Variants in C6 observed in about 807,000 individuals in gnomAD.
C6 encodes complement C6.
Under a neutral mutation model 112.9 loss-of-function variants are expected in C6, and 101 were observed. The observed-to-expected ratio is 0.89, with a 90% CI of 0.76 to 1.06. The LOEUF is 1.06. C6 is among the 50% of genes least tolerant of loss of function. C6 has a pLI of 0.00. For missense variants in C6, 1,202 were observed against 1,104.6 expected (o/e 1.09, Z -1.25); for synonymous variants, 431 against 384.1 (o/e 1.12, Z -1.43).
At chr5:41,206,218 C>A (rs766870296) in intron 1 of C6, among the ~76,000 whole-genome samples, 2 of 152,178 alleles carry the variant, frequency 1.3e-5, no homozygotes, top group African/African-American at 4.8e-5. Context: ...CCCATCTGTA[C>A]GTCACCATCA....
At position 41,199,892 on chromosome 5, in the gene C6, C is replaced by G. The variant is rs139715236; in HGVS notation, c.321G>C (p.Leu107Phe). 8.7e-6 allele frequency: 14 copies of G among 1,613,444 alleles called. No homozygotes were observed. The African/African-American group carries it at 1.6e-4, about 18-fold the overall frequency. ...GCTGTCCCCCAAACTGACTGGGACG[C>G]AAGACAGATCTAACTTTAGACTGAA... is the stretch of plus-strand genomic sequence containing the variant. ...IEKQSKVRSV[L>F]RPSQFGGQPC... Residue 107 changes from leucine to phenylalanine, a missense_variant, in exon 4 of 18, where the codon TTG (leucine) becomes TTC (phenylalanine). Coordinates refer to ENST00000337836, the MANE Select transcript of C6 (RefSeq NM_000065.5).
chr5:41,155,859 G>T (rs1746851837), intron 13 of C6, among the ~76,000 whole-genome samples: 1 of 152,036 alleles, frequency 6.6e-6, no homozygotes, highest in South Asian at 2.1e-4. Context: ...ACCATGTAGT[G>T]ACTATAAACT....
At chr5:41,164,266 A>G (rs1161006133) in intron 9 of C6, among the ~76,000 whole-genome samples, 2 of 152,182 alleles carry the variant, frequency 1.3e-5, no homozygotes, top group African/African-American at 4.8e-5. Context: ...CATCTTTGGC[A>G]ATTAAGGAGG....
chr5:41,219,053 C>T (rs182757009), intron 1 of C6, among the ~76,000 whole-genome samples: 99 of 152,274 alleles, frequency 6.5e-4, no homozygotes, highest in Admixed American at 1.8e-3. Flanking sequence ...AAAAGATACT[C>T]CAACAATTTC....
chr5:41,203,898 T>G (rs1181913375), intron 1 of C6, among the ~76,000 whole-genome samples: 1 of 152,142 alleles, frequency 6.6e-6, no homozygotes, highest in Non-Finnish European at 1.5e-5. Flanking sequence ...TTGAATGAGG[T>G]GAAGCCCTTC....
At chr5:41,260,239 G>A (rs1341283457) in intron 1 of C6, among the ~76,000 whole-genome samples, 3 of 151,836 alleles carry the variant, frequency 2.0e-5, no homozygotes, top group Non-Finnish European at 4.4e-5. Context: ...GGCAAATGAA[G>A]TGGTAACTTG....
intron 1 of C6, among the ~76,000 whole-genome samples, chr5:41,248,702 G>A (rs1741165918): frequency 1.3e-5 from 2 of 152,208 alleles, no homozygotes; most frequent in African/African-American, 4.8e-5. Flanking sequence ...TGGGGAAAAT[G>A]GATGCTTATA....
chr5:41,228,559 T>C (rs1238958783), intron 1 of C6, among the ~76,000 whole-genome samples: 1 of 152,204 alleles, frequency 6.6e-6, no homozygotes, highest in Non-Finnish European at 1.5e-5. Context: ...CTTTCAATCT[T>C]TCACTGTTGA....
In C6 at chr5:41,242,440, A is replaced by C. The variant is rs182406005; in HGVS notation, c.-21+18754T>G. ...AGCAATGTGGAACTGTGAGTCAATT[A>C]AACCTCTTTCCTTTATAAATTACCC... On this transcript the variant is annotated intron_variant, in intron 1 of 17. Coordinates refer to the C6 transcript ENST00000263413. 1.5e-3 allele frequency among the ~76,000 whole-genome samples: 226 copies of C among 152,292 alleles called. 1 individual carries two copies. Among genetic ancestry groups the C allele is most frequent in the Middle Eastern group, 6.8e-3 (2 of 294 alleles).
intron 1 of C6, among the ~76,000 whole-genome samples, chr5:41,207,695 G>A (rs140004087): frequency 2.0e-5 from 3 of 152,174 alleles, no homozygotes; most frequent in African/African-American, 2.4e-5. Flanking sequence ...AAATATATAC[G>A]CACCCAATAT....
At chr5:41,185,541 A>G (rs1201409566) in intron 6 of C6, among the ~76,000 whole-genome samples, 4 of 152,226 alleles carry the variant, frequency 2.6e-5, no homozygotes, top group Admixed American at 2.6e-4. Flanking sequence ...AGTAGGTAGT[A>G]TGCTGCTCAT....
intron 1 of C6, among the ~76,000 whole-genome samples, chr5:41,232,881 A>G (rs1243387955): frequency 6.6e-6 from 1 of 151,846 alleles, no homozygotes; most frequent in East Asian, 1.9e-4. Context: ...ATCTCTCATT[A>G]CATTATTAGT....
chr5:41,176,511 G>A lies in C6; in HGVS notation c.1132C>T (p.Leu378Phe). ...SGSLGGVYDL[L>F]YQFSSEELKN... ...AGTTCCTCACTGCTAAACTGATAGA[G>A]AAGGTCATACACGCCTCCCAGGGAG... is the stretch of plus-strand genomic sequence containing the variant. The change falls in exon 8 of 18, where the codon CTC (leucine) becomes TTC (phenylalanine). Residue 378 changes from leucine (L) to phenylalanine (F), a missense_variant. Transcript: ENST00000337836. The A allele has an allele frequency of 6.2e-7, 1 of 1,613,804 alleles. No individual in the cohort carries two copies. Among genetic ancestry groups the A allele is most frequent in the South Asian group, 1.1e-5 (1 of 91,076 alleles).
chr5:41,195,603 T>A (rs937977782), intron 5 of C6, among the ~76,000 whole-genome samples, 189 bp downstream of exon 5: 8 of 152,204 alleles, frequency 5.3e-5, no homozygotes, highest in Non-Finnish European at 7.3e-5. Context: ...AAATGCTAAC[T>A]TTTACTTCTC....
intron 9 of C6, among the ~76,000 whole-genome samples, chr5:41,168,084 A>C (rs1748128288): frequency 6.6e-6 from 1 of 152,208 alleles, no homozygotes; most frequent in Admixed American, 6.6e-5. Context: ...GAAAAATTAA[A>C]GATGAGCAAA....
intron 1 of C6, among the ~76,000 whole-genome samples, chr5:41,222,074 A>G (rs2962290): frequency 0.7 from 106,118 of 151,092 alleles, 37,407 homozygotes; most frequent in African/African-American, 0.73. Context: ...GCTGAGGCAG[A>G]AGAATTGCTT....
At chr5:41,215,570 G>A (rs1024193880), upstream of C6, among the ~76,000 whole-genome samples, 1 of 152,120 alleles carries the variant, frequency 6.6e-6, no homozygotes, top group Non-Finnish European at 1.5e-5. Flanking sequence ...GCCTTCTGAA[G>A]TTTTGGCTGG....
chr5:41,195,435 G>A (rs953119517), intron 5 of C6, among the ~76,000 whole-genome samples: 1 of 152,088 alleles, frequency 6.6e-6, no homozygotes, highest in Non-Finnish European at 1.5e-5. Flanking sequence ...ACCCATTCAA[G>A]GCCTACCTCC....
At chr5:41,227,196 C>T (rs1430361226) in intron 1 of C6, among the ~76,000 whole-genome samples, 2 of 151,936 alleles carry the variant, frequency 1.3e-5, no homozygotes, top group Non-Finnish European at 2.9e-5. Context: ...TTTGTATTTC[C>T]CTAATGATTA....
Sources: allele counts gnomAD v4.1 joint callset (sites outside exome capture counted in the v4.1 genomes callset), GRCh38; gene constraint gnomAD v4.1.1; transcripts MANE v1.5; gene names NCBI Gene and HGNC (gene_info 2026-07-23, HGNC 2026-07-21).